The following PKNOX2 variants were observed in gnomAD, a reference collection of about 807,000 sequenced individuals.
The protein encoded by PKNOX2 is PBX/knotted 1 homeobox 2, also known as homeobox protein PKNOX2.
In PKNOX2, 14 loss-of-function variants were observed where a neutral mutation model predicts 53.1. The observed-to-expected ratio is 0.26, with a 90% CI of 0.17 to 0.41. The LOEUF (loss-of-function observed/expected upper bound fraction) is 0.41. Among genes scored for constraint, PKNOX2 ranks in the 10% least tolerant of loss-of-function variants. PKNOX2 has a pLI of 1.00. For synonymous variants in PKNOX2, 257 were observed against 242.8 expected (o/e 1.06, Z -0.54); for missense variants, 496 against 602.8 (o/e 0.82, Z 1.85).
rs372401113 is a variant in PKNOX2 at position 125,389,609 on chromosome 11, C to T, written c.399+3887C>T. 1.6e-3 allele frequency among the ~76,000 whole-genome samples: 249 copies of T among 152,318 alleles called. 1 individual carries two copies. The highest frequency in any genetic ancestry group is 5.6e-3 in the African/African-American group (232 of 41,568). Reference sequence around the variant, plus strand: ...AGATCCCCTCCTTGGGCCCACCAGCCTCTGACTGGCAGTTGGTAAAGTTTG... The same window carrying T: ...AGATCCCCTCCTTGGGCCCACCAGCTTCTGACTGGCAGTTGGTAAAGTTTG... On this transcript the variant is annotated intron_variant, in intron 6 of 12. Coordinates refer to ENST00000298282, the MANE Select transcript of PKNOX2 (RefSeq NM_001382323.2).
chr11:125,205,661 C>T (rs888458076), intron 1 of PKNOX2, among the ~76,000 whole-genome samples: 20 of 151,926 alleles, frequency 1.3e-4, no homozygotes, highest in African/African-American at 4.3e-4. Context: ...TATGTCTTCC[C>T]GCTTCTCTCT....
intron 2 of PKNOX2, among the ~76,000 whole-genome samples, chr11:125,296,785 G>A (rs193130442): frequency 2.8e-4 from 42 of 152,206 alleles, no homozygotes; most frequent in Admixed American, 9.1e-4. Flanking sequence ...ACAGGTGTGC[G>A]CCACCAAGCC....
chr11:125,178,614 GAA>G (rs1691791789), intron 1 of PKNOX2, among the ~76,000 whole-genome samples: 1 of 60,772 alleles, frequency 1.6e-5, no homozygotes, highest in African/African-American at 1.1e-4. Context: ...AGGAAGGAAA[GAA>G]AGAAAGAAAG....
chr11:125,306,347 C>A (rs556047181), intron 2 of PKNOX2, among the ~76,000 whole-genome samples: 1 of 152,302 alleles, frequency 6.6e-6, no homozygotes, highest in East Asian at 1.9e-4. Flanking sequence ...AGCCCCCCAC[C>A]CCCCAGGGAG....
intron 1 of PKNOX2, among the ~76,000 whole-genome samples, chr11:125,184,569 A>G (rs1956340262): frequency 6.6e-6 from 1 of 152,210 alleles, no homozygotes; most frequent in Non-Finnish European, 1.5e-5. Flanking sequence ...TGGGGCATTG[A>G]GCCCACCAGT....
intron 12 of PKNOX2, 55 bp downstream of exon 12, chr11:125,430,196 T>G: frequency 1.3e-6 from 2 of 1,575,472 alleles, no homozygotes; most frequent in African/African-American, 2.7e-5. Context: ...CTCCTGGAGC[T>G]TCTTCAGGTC....
At chr11:125,402,078 T>A (rs1234097807) in intron 7 of PKNOX2, among the ~76,000 whole-genome samples, 1 of 152,130 alleles carries the variant, frequency 6.6e-6, no homozygotes, top group Non-Finnish European at 1.5e-5. Flanking sequence ...TCCAGATCGA[T>A]GGGTTGAGCG....
At position 125,356,542 on chromosome 11, in the gene PKNOX2, C is replaced by T. The variant is rs145141422; in HGVS notation, c.87+5150C>T. 9.2e-5 allele frequency among the ~76,000 whole-genome samples: 14 copies of T among 152,366 alleles called. No homozygotes were observed. The East Asian group carries it at 2.7e-3, about 29-fold the overall frequency. On this transcript the variant is annotated intron_variant, in intron 4 of 12. Transcript: ENST00000298282. ...CATTCCCCTCACCCCGATCCTCCAG[C>T]ATCCCTCAGAGTGGGGAGAATGGTG...
chr11:125,369,893 G>A (rs1367630300), intron 5 of PKNOX2, among the ~76,000 whole-genome samples: 1 of 152,216 alleles, frequency 6.6e-6, no homozygotes, highest in Non-Finnish European at 1.5e-5. Context: ...GCTACTCAAA[G>A]TATGGCCTGT....
intron 1 of PKNOX2, among the ~76,000 whole-genome samples, chr11:125,222,647 ATG>A (rs1941289191): frequency 9.0e-6 from 1 of 111,384 alleles, no homozygotes; most frequent in Non-Finnish European, 1.8e-5. Flanking sequence ...GTGTGTGCGT[ATG>A]TGTGTGCTGT....
intron 1 of PKNOX2, among the ~76,000 whole-genome samples, chr11:125,220,614 T>C (rs1941044833): frequency 6.6e-6 from 1 of 152,060 alleles, no homozygotes; most frequent in Non-Finnish European, 1.5e-5. Flanking sequence ...ACTGGGGCAA[T>C]CAGCCCTGGG....
chr11:125,308,329 C>T (rs111482217), intron 2 of PKNOX2, among the ~76,000 whole-genome samples: 1,995 of 152,270 alleles, frequency 0.013, 56 homozygotes, highest in African/African-American at 0.045. Context: ...AGGAACCACC[C>T]CCAAGAATGG....
At chr11:125,336,643 T>C (rs1403732460) in intron 3 of PKNOX2, among the ~76,000 whole-genome samples, 1 of 147,976 alleles carries the variant, frequency 6.8e-6, no homozygotes, top group African/African-American at 2.5e-5. Context: ...TTATATAGTG[T>C]AGCACTACAT....
chr11:125,217,045 TCACA>T (rs1002100623), intron 1 of PKNOX2, among the ~76,000 whole-genome samples: 10 of 149,314 alleles, frequency 6.7e-5, no homozygotes, highest in Non-Finnish European at 1.5e-4. Flanking sequence ...ACAGTCTCTC[TCACA>T]CACACACAAA....
intron 2 of PKNOX2, among the ~76,000 whole-genome samples, chr11:125,235,410 C>T (rs572368112): frequency 3.3e-5 from 5 of 152,320 alleles, no homozygotes; most frequent in East Asian, 3.9e-4. Flanking sequence ...TCTGCAAGGC[C>T]GACCCAGACC....
rs1321798203 is a variant in PKNOX2, at chr11:125,166,148, G to C, written c.-201+1372G>C. 6.6e-6 allele frequency among the ~76,000 whole-genome samples: 1 copy of C among 152,184 alleles called. No individual in the cohort carries two copies. Among genetic ancestry groups the C allele is most frequent in the Admixed American group, 6.5e-5 (1 of 15,282 alleles). Reference sequence around the variant, plus strand: ...ATAAGTAGTTTACACGCCGGCCAGAGCAGAGGGCTGGAGGTCGGAGTTGGG... The same window carrying C: ...ATAAGTAGTTTACACGCCGGCCAGACCAGAGGGCTGGAGGTCGGAGTTGGG... On this transcript the variant is annotated intron_variant, in intron 1 of 12. Coordinates refer to ENST00000298282, the MANE Select transcript of PKNOX2 (RefSeq NM_001382323.2). This position sits in a 1 kb window ranked among gnomAD's most constrained non-coding sequence, Gnocchi z 4.0.
intron 2 of PKNOX2, among the ~76,000 whole-genome samples, chr11:125,285,742 A>T (rs183419182): frequency 6.6e-6 from 1 of 152,360 alleles, no homozygotes; most frequent in African/African-American, 2.4e-5. Flanking sequence ...CAATGGTTAA[A>T]CACAGCCATT....
At chr11:125,403,793 G>A (rs141728854) in intron 7 of PKNOX2, among the ~76,000 whole-genome samples, 1 of 152,342 alleles carries the variant, frequency 6.6e-6, no homozygotes, top group East Asian at 1.9e-4. Flanking sequence ...TTGCTACGAA[G>A]CAAGAATTTG....
At chr11:125,202,881 C>G (rs192357493) in intron 1 of PKNOX2, among the ~76,000 whole-genome samples, 2 of 152,174 alleles carry the variant, frequency 1.3e-5, no homozygotes, top group Non-Finnish European at 2.9e-5. Flanking sequence ...TTCCTCTCTA[C>G]CCCCAGCTGC....
Sources: allele counts gnomAD v4.1 joint callset (sites outside exome capture counted in the v4.1 genomes callset), GRCh38; gene constraint gnomAD v4.1.1; non-coding constraint Gnocchi (gnomAD v3.1); transcripts MANE v1.5; gene names NCBI Gene and HGNC (gene_info 2026-07-23, HGNC 2026-07-21).